The following COPG1 variants were observed in gnomAD, a reference collection of about 807,000 sequenced individuals.
The protein encoded by COPG1 is coat protein complex I subunit gamma 1, also known as coatomer subunit gamma-1.
Under a neutral mutation model 102.8 loss-of-function variants are expected in COPG1, and 29 were observed. The ratio of observed to expected loss-of-function variants is 0.28; its 90% CI spans 0.21 to 0.38. COPG1 has a LOEUF of 0.38. COPG1 is among the 10% of genes least tolerant of loss of function. COPG1 has a pLI of 1.00. For missense variants in COPG1, 875 were observed against 1,132.7 expected (o/e 0.77, Z 3.27); for synonymous variants, 406 against 421.6 (o/e 0.96, Z 0.45).
chr3:129,252,427 A>G lies in COPG1; in HGVS notation c.171+66A>G, dbSNP rs1939719341. 10 of 1,225,216 alleles carry G rather than the reference A, an allele frequency of 8.2e-6. No individual in the cohort carries two copies. In the South Asian group the frequency reaches 8.5e-5, roughly 10 times the overall value. The allele number at this position is 1,225,216 out of a possible 1,614,324, so 75.9% of individuals were successfully genotyped here. ...GGGATTGGAGGGGAGTGGACAAATCATGATCACTCTTAGGCTATTGGACAG... is the reference window on the plus strand; with the variant it reads ...GGGATTGGAGGGGAGTGGACAAATCGTGATCACTCTTAGGCTATTGGACAG... On this transcript the variant is annotated intron_variant, in intron 3 of 23. Transcript: ENST00000314797.
rs767112099 is a variant in COPG1, at chr3:129,267,918, C to T, written c.1545-19C>T. 5 of 1,606,034 alleles carry T rather than the reference C, an allele frequency of 3.1e-6. No homozygotes were observed. In the South Asian group the frequency reaches 5.5e-5, roughly 18 times the overall value. ...CCCTGCTGGGTCCCAGTCAGGACCACCTTGTGTCCTGGCTGCAGGTGTGTG... is the reference window on the plus strand; with the variant it reads ...CCCTGCTGGGTCCCAGTCAGGACCATCTTGTGTCCTGGCTGCAGGTGTGTG... On this transcript the variant is annotated intron_variant, in intron 15 of 23. Transcript: ENST00000314797.
chr3:129,254,825 C>G (rs1939772916), intron 6 of COPG1, 82 bp downstream of exon 6: 1 of 1,363,712 alleles, frequency 7.3e-7, no homozygotes, highest in Non-Finnish European at 1.0e-6. Context: ...TGGGGTGTCC[C>G]CTATCACTGA....
chr3:129,272,241 C>A lies in COPG1; in HGVS notation c.1987-3C>A, dbSNP rs1165706905. On this transcript the variant is annotated splice_region_variant and splice_polypyrimidine_tract_variant and intron_variant, in intron 19 of 23. Coordinates refer to ENST00000314797, the MANE Select transcript of COPG1 (RefSeq NM_016128.4). ...TTTAAGCTCCCCTCTCTTTCCTGTT[C>A]AGTTTGACTGCACAAACACACTCAA... The A allele has an allele frequency of 6.2e-7, 1 of 1,613,474 alleles. No homozygotes were observed. The highest frequency in any genetic ancestry group is 8.5e-7 in the Non-Finnish European group (1 of 1,179,442).
intron 23 of COPG1, among the ~76,000 whole-genome samples, chr3:129,276,458 A>G (rs947140872): frequency 6.6e-6 from 1 of 152,242 alleles, no homozygotes; most frequent in Non-Finnish European, 1.5e-5. Context: ...GGACAATACA[A>G]TTATCATACC....
At chr3:129,268,424 G>A (rs1231425647) in intron 16 of COPG1, 71 bp from the exon 17 acceptor site, 3 of 1,551,482 alleles carry the variant, frequency 1.9e-6, no homozygotes, top group African/African-American at 2.7e-5. Flanking sequence ...GGGACCCCAG[G>A]GCCTCCATGG....
At position 129,271,917 on chromosome 3, in the gene COPG1, A is replaced by C; in HGVS notation, c.1986+8A>C. The C allele has an allele frequency of 1.2e-6, 2 of 1,613,514 alleles. No homozygotes were observed. ...AACCACATGGTTTTTCAGGTGAGCA[A>C]GGTGGGCTGAGGCCCTGCTGGGGCA... is the stretch of plus-strand genomic sequence containing the variant. On this transcript the variant is annotated splice_region_variant and intron_variant, in intron 19 of 23. Coordinates refer to ENST00000314797, the MANE Select transcript of COPG1 (RefSeq NM_016128.4). This position sits in a 1 kb window ranked among gnomAD's most constrained non-coding sequence, Gnocchi z 4.7.
chr3:129,254,935 C>T (rs1939775480), intron 6 of COPG1, 50 bp from the exon 7 acceptor site: 9 of 1,485,898 alleles, frequency 6.1e-6, no homozygotes, highest in Non-Finnish European at 8.5e-6. Context: ...CTCCTGAGAG[C>T]TGCCAAGGAC....
chr3:129,275,042 G>A lies in COPG1; in HGVS notation c.2395+66G>A. 2 of 1,575,644 alleles carry A rather than the reference G, an allele frequency of 1.3e-6. No homozygotes were observed. Among genetic ancestry groups the A allele is most frequent in the South Asian group, 1.1e-5 (1 of 89,122 alleles). On this transcript the variant is annotated intron_variant, in intron 22 of 23. Transcript: ENST00000314797. The surrounding 1 kb of genome is among the most constrained non-coding windows in gnomAD (Gnocchi z 5.0). ...CAAGATCTTTGGCTACTATTGAAGT[G>A]CTCATCCCTTTTCTCTCCAAGGATC...
At chr3:129,274,757 G>A in intron 21 of COPG1, 81 bp from the exon 22 acceptor site, 2 of 1,496,048 alleles carry the variant, frequency 1.3e-6, no homozygotes, top group Non-Finnish European at 1.8e-6. Context: ...AAGAGTTGCA[G>A]GAAGGGATGT....
Position 129,250,719 on chromosome 3 carries a change from T to A in COPG1, c.75T>A (p.Ser25Arg). ...GSNPFQHLEK[S>R]AVLQEARVFN... ...ACCCATTCCAGCACCTTGAGAAGAG[T>A]GCGGTACTCCAGGAGGCAAGTGACA... is the stretch of plus-strand genomic sequence containing the variant. Residue 25 changes from serine to arginine, a missense_variant, in exon 2 of 24, where the codon AGT becomes AGA. By Grantham distance (110) the Ser-to-Arg change is moderately radical (BLOSUM62 -1). Coordinates refer to ENST00000314797, the MANE Select transcript of COPG1 (RefSeq NM_016128.4). The A allele has an allele frequency of 6.2e-7, 1 of 1,613,556 alleles. No individual in the cohort carries two copies. Among genetic ancestry groups the A allele is most frequent in the Non-Finnish European group, 8.5e-7 (1 of 1,179,844 alleles).
At chr3:129,267,630 T>A (rs1337254181) in intron 15 of COPG1, among the ~76,000 whole-genome samples, 1 of 151,782 alleles carries the variant, frequency 6.6e-6, no homozygotes, top group Non-Finnish European at 1.5e-5. Context: ...AAAAAAAAAA[T>A]AGCTCTATTG....
chr3:129,263,596 A>G (rs1312529715), intron 12 of COPG1, among the ~76,000 whole-genome samples: 2 of 152,178 alleles, frequency 1.3e-5, no homozygotes, highest in Non-Finnish European at 2.9e-5. Flanking sequence ...AGCCAGTGGT[A>G]GGGAGAGAAG....
In COPG1 at chr3:129,268,057, C is replaced by G; in HGVS notation, c.1648+17C>G. 1.3e-6 allele frequency: 2 copies of G among 1,586,864 alleles called. No individual in the cohort carries two copies. Among genetic ancestry groups the G allele is most frequent in the South Asian group, 1.1e-5 (1 of 90,168 alleles). On this transcript the variant is annotated intron_variant, in intron 16 of 23. Coordinates refer to ENST00000314797, the MANE Select transcript of COPG1 (RefSeq NM_016128.4). The stretch of plus-strand genomic sequence containing the variant: ...TCCTAAATGGTGAGTCATTCCCTGG[C>G]TATCTTGGACTCAGCACCTTACTGG...
chr3:129,256,258 C>A, intron 8 of COPG1, 104 bp downstream of exon 8: 1 of 890,100 alleles, frequency 1.1e-6, no homozygotes. Context: ...TGACCCCTGG[C>A]CATAGCAGGC....
At chr3:129,249,973 ACC>A (rs62819160) in intron 1 of COPG1, among the ~76,000 whole-genome samples, 18,925 of 125,484 alleles carry the variant, frequency 0.15, 3,358 homozygotes, top group African/African-American at 0.43. Context: ...CGCGACAAAC[ACC>A]CCCCCCCCCA....
intron 7 of COPG1, among the ~76,000 whole-genome samples, chr3:129,255,346 T>C (rs545699148): frequency 4.8e-4 from 73 of 152,014 alleles, no homozygotes; most frequent in African/African-American, 1.7e-3. Context: ...GCCCAGCTAA[T>C]TTTTGTGTTT....
intron 13 of COPG1, among the ~76,000 whole-genome samples, 185 bp downstream of exon 13, chr3:129,264,184 C>T (rs192251342): frequency 7.2e-5 from 11 of 152,302 alleles, no homozygotes; most frequent in Non-Finnish European, 5.9e-5. Flanking sequence ...CTAGTAATTA[C>T]AGTAATAACT....
At chr3:129,252,149 A>G in intron 2 of COPG1, 132 bp from the exon 3 acceptor site, 1 of 645,708 alleles carries the variant, frequency 1.5e-6, no homozygotes, top group Non-Finnish European at 2.8e-6. Flanking sequence ...TCCTTATGAA[A>G]ATAAGCTTGT....
intron 1 of COPG1, among the ~76,000 whole-genome samples, chr3:129,250,001 A>G (rs964873200): frequency 6.8e-6 from 1 of 146,514 alleles, no homozygotes; most frequent in African/African-American, 2.5e-5. Context: ...CAATTTACCC[A>G]TCTGTCAAAG....
Sources: gnomAD v4.1 joint callset for allele counts (sites outside exome capture counted in the v4.1 genomes callset) on GRCh38, gnomAD v4.1.1 for gene constraint, Gnocchi (gnomAD v3.1) non-coding constraint, MANE v1.5 for transcripts, NCBI Gene and HGNC (gene_info 2026-07-23, HGNC 2026-07-21) for gene names.